The following STK11 variants were observed in gnomAD, a reference collection of about 807,000 sequenced individuals.
The protein encoded by STK11 is serine/threonine-protein kinase STK11.
Under a neutral mutation model 47.3 loss-of-function variants are expected in STK11, and 8 were observed. That is an observed-to-expected ratio of 0.17 (90% confidence interval 0.10 to 0.31). The LOEUF is 0.31. STK11 is among the 10% of genes least tolerant of loss of function. The probability of loss-of-function intolerance (pLI) is 1.00; values close to 1 mark genes in which losing one functional copy is unlikely to be tolerated. For synonymous variants in STK11, 330 were observed against 255.8 expected (o/e 1.29, Z -2.77); for missense variants, 475 against 605.0 (o/e 0.79, Z 2.25).
At chr19:1,214,100 C>G (rs756940513) in intron 1 of STK11, among the ~76,000 whole-genome samples, 1 of 152,244 alleles carries the variant, frequency 6.6e-6, no homozygotes, top group Non-Finnish European at 1.5e-5. Flanking sequence ...CCCCAAGAGC[C>G]GGGCTTCCCC....
intron 3 of STK11, chr19:1,220,153 G>A (rs1268147725): frequency 7.3e-6 from 4 of 545,072 alleles, no homozygotes; most frequent in East Asian, 3.1e-5. Context: ...GTGGACATCC[G>A]GGGCCCTGCC....
rs543187681 is a variant in STK11, at chr19:1,228,189, C to T, written c.*613C>T. 3.3e-3 allele frequency: 3,377 copies of T among 1,038,684 alleles called. 17 individuals carry two copies. Among genetic ancestry groups the T allele is most frequent in the Middle Eastern group, 0.03 (71 of 2,368 alleles). The allele number at this position is 1,038,684 out of a possible 1,614,324, so 64.3% of individuals were successfully genotyped here. On this transcript the variant is annotated 3_prime_UTR_variant, in exon 10 of 10. Transcript: ENST00000326873. Reference sequence around the variant, plus strand: ...CGGCCGCCTTTGCGCTCTCGGGTCACCCTGCTTTGGCGGCCCGGCCGGAGG... The same window carrying T: ...CGGCCGCCTTTGCGCTCTCGGGTCATCCTGCTTTGGCGGCCCGGCCGGAGG...
At chr19:1,215,589 A>C (rs992573670) in intron 1 of STK11, among the ~76,000 whole-genome samples, 2 of 152,244 alleles carry the variant, frequency 1.3e-5, no homozygotes, top group Non-Finnish European at 2.9e-5. Context: ...GGCAGAGCTC[A>C]GGCCTTGGCC....
rs1448942333 is a variant in STK11 at position 1,223,093 on chromosome 19, C to T, written c.1029C>T (p.Asp343=). The T allele has an allele frequency of 3.7e-6, 6 of 1,610,786 alleles. No individual in the cohort carries two copies. In the Admixed American group the frequency reaches 6.7e-5, roughly 18 times the overall value. The change falls in exon 8 of 10, where the codon GAC becomes GAT. Residue 343 remains aspartate, a synonymous_variant. Transcript: ENST00000326873. ...TGACTGTGGTGCCGTACTTGGAGGA[C>T]CTGCACGGCGCGGACGAGGACGAGG... ...RSMTVVPYLE[D]LHGADEDEDL...
chr19:1,220,121 G>A, intron 3 of STK11: 1 of 493,814 alleles, frequency 2.0e-6, no homozygotes, highest in Non-Finnish European at 3.6e-6. Flanking sequence ...GCCGGCCTGT[G>A]GCCCACAGGA....
chr19:1,219,463 C>T (rs748330307), intron 3 of STK11, 50 bp downstream of exon 3: 16 of 1,304,510 alleles, frequency 1.2e-5, no homozygotes, highest in Non-Finnish European at 3.1e-6. Flanking sequence ...GGGGGCCAGG[C>T]AGGGCAGGCT....
At chr19:1,214,497 C>T (rs1007446088) in intron 1 of STK11, among the ~76,000 whole-genome samples, 2 of 152,222 alleles carry the variant, frequency 1.3e-5, no homozygotes, top group African/African-American at 4.8e-5. Context: ...GCGAGTCCTC[C>T]TGTGCCCGTT....
At chr19:1,227,076 C>T (rs1173432938) in intron 9 of STK11, 1 of 194,548 alleles carries the variant, frequency 5.1e-6, no homozygotes, top group East Asian at 1.4e-4. Context: ...CCGCGGCCTC[C>T]ATGGCTCTGC....
intron 1 of STK11, among the ~76,000 whole-genome samples, chr19:1,208,402 G>T (rs1599916681): frequency 6.6e-6 from 1 of 151,026 alleles, no homozygotes; most frequent in African/African-American, 2.4e-5. Context: ...CCGCCTCCCG[G>T]GTTCATGCCA....
At chr19:1,221,585 C>T (rs1281764495) in intron 6 of STK11, 1 of 627,016 alleles carries the variant, frequency 1.6e-6, no homozygotes, top group Non-Finnish European at 2.7e-6. Context: ...CCTGCGCCTC[C>T]CCCAGCCCCA....
At chr19:1,214,924 C>G (rs1157031466) in intron 1 of STK11, among the ~76,000 whole-genome samples, 1 of 152,210 alleles carries the variant, frequency 6.6e-6, no homozygotes, top group Non-Finnish European at 1.5e-5. Context: ...CCTGTGCGTC[C>G]GAGCATCTGG....
In STK11 at chr19:1,227,725, A is replaced by T; in HGVS notation, c.*149A>T. The T allele has an allele frequency of 9.3e-7, 1 of 1,071,072 alleles. No individual in the cohort carries two copies. Among genetic ancestry groups the T allele is most frequent in the Non-Finnish European group, 1.1e-6 (1 of 882,906 alleles). The allele number at this position is 1,071,072 out of a possible 1,614,324, so 66.3% of individuals were successfully genotyped here. ...CCCCAGGACCTCCGGAGCGCCCTGCAGGGCCGGGCAGGGGGACAGCAGGGA... is the reference window on the plus strand; with the variant it reads ...CCCCAGGACCTCCGGAGCGCCCTGCTGGGCCGGGCAGGGGGACAGCAGGGA... On this transcript the variant is annotated 3_prime_UTR_variant, in exon 10 of 10. Transcript: ENST00000326873.
intron 1 of STK11, among the ~76,000 whole-genome samples, chr19:1,211,147 C>T (rs1177534852): frequency 1.3e-5 from 2 of 152,188 alleles, no homozygotes; most frequent in African/African-American, 4.8e-5. Context: ...TGGTGGCGCG[C>T]GCCTGTAGTC....
intron 1 of STK11, among the ~76,000 whole-genome samples, chr19:1,212,712 G>C (rs1019774071): frequency 6.6e-6 from 1 of 151,060 alleles, no homozygotes; most frequent in East Asian, 2.0e-4. Context: ...GGCTAATTTT[G>C]TTTTTGTATT....
In STK11 at chr19:1,206,020, G is replaced by C. The variant is rs1004347190; in HGVS notation, c.-894G>C. 1.4e-5 allele frequency: 2 copies of C among 145,710 alleles called. No homozygotes were observed. Among genetic ancestry groups the C allele is most frequent in the African/African-American group, 4.9e-5 (2 of 40,568 alleles). 9.0% of individuals were successfully genotyped at this position (145,710 alleles called of 1,614,324 possible). A position where few individuals can be genotyped will look rare whatever the true frequency, so the allele number is the denominator to read the frequency against. ...CCCCCCGGCCCGGAGCCTGCGGCCT[G>C]CGCCGCCTCGGCCGCCGGGAGCCCC... is the stretch of plus-strand genomic sequence containing the variant. On this transcript the variant is annotated 5_prime_UTR_variant, in exon 1 of 10. Coordinates refer to ENST00000326873, the MANE Select transcript of STK11 (RefSeq NM_000455.5).
chr19:1,221,338 A>G lies in STK11; in HGVS notation c.860A>G (p.Lys287Arg), dbSNP rs1349316725. 1 of 1,607,126 alleles carries G rather than the reference A, an allele frequency of 6.2e-7. No homozygotes were observed. Among genetic ancestry groups the G allele is most frequent in the East Asian group, 2.2e-5 (1 of 44,682 alleles). Residue 287 changes from lysine (K) to arginine (R), a missense_variant and splice_region_variant, in exon 6 of 10, where the codon AAA (lysine) becomes AGA (arginine). Around this residue, in one of 5 missense-constraint regions of STK11, gnomAD observed 130 missense variants for 239.7 expected, o/e 0.54. Coordinates refer to ENST00000326873, the MANE Select transcript of STK11 (RefSeq NM_000455.5). ...GGCCCCCCGCTCTCTGACCTGCTGA[A>G]AGGTGGGAGCCTCATCCCTCTGCCC... ...DCGPPLSDLLKGMLEYEPAKR... is the reference protein window; with the variant it reads ...DCGPPLSDLLRGMLEYEPAKR...
chr19:1,227,976 TG>T lies in STK11; in HGVS notation c.*401del. On this transcript the variant is annotated 3_prime_UTR_variant, in exon 10 of 10. Transcript: ENST00000326873. ...CTGGCGGGTGTGGAGACCAGGCTCC[TG>T]ACCCCGCCATGCATGCAGCGCCACC... 9.4e-7 allele frequency: 1 copy of T among 1,068,888 alleles called. No homozygotes were observed. The highest frequency in any genetic ancestry group is 4.1e-4 in the Middle Eastern group (1 of 2,418). 66.2% of individuals were successfully genotyped at this position (1,068,888 alleles called of 1,614,324 possible).
rs546523234 is a variant in STK11, at chr19:1,218,574, C to T, written c.374+74C>T. On this transcript the variant is annotated intron_variant, in intron 2 of 9. Transcript: ENST00000326873. ...GGCCCTGGGTCCGCCTGCCTCGAGG[C>T]CTGCTCCTCTTCCCGTCTCCTTGAA... is the stretch of plus-strand genomic sequence containing the variant. 11 of 1,275,078 alleles carry T rather than the reference C, an allele frequency of 8.6e-6. No homozygotes were observed. The African/African-American group carries it at 1.5e-4, about 17-fold the overall frequency. 79.0% of individuals were successfully genotyped at this position (1,275,078 alleles called of 1,614,324 possible).
chr19:1,217,930 G>A (rs916221861), intron 1 of STK11, among the ~76,000 whole-genome samples: 3 of 152,122 alleles, frequency 2.0e-5, no homozygotes, highest in African/African-American at 7.2e-5. Flanking sequence ...GGATCACAAG[G>A]TCAGGAGATC....
Sources: allele counts gnomAD v4.1 joint callset (sites outside exome capture counted in the v4.1 genomes callset), GRCh38; gene constraint gnomAD v4.1.1; regional missense constraint gnomAD v4.1.1; transcripts MANE v1.5; gene names NCBI Gene and HGNC (gene_info 2026-07-23, HGNC 2026-07-21).